CPA4: variants seen among roughly 807,000 people sequenced by gnomAD.
CPA4 encodes the protein carboxypeptidase A4.
In CPA4, 49 loss-of-function variants were observed where a neutral mutation model predicts 54.7. The observed-to-expected ratio is 0.90, with a 90% CI of 0.71 to 1.14. CPA4 has a LOEUF of 1.14. Among genes scored for constraint, CPA4 ranks in the 50% most tolerant of loss-of-function variants. CPA4 has a pLI of 0.00. For synonymous variants in CPA4, 215 were observed against 206.8 expected (o/e 1.04, Z -0.34); for missense variants, 487 against 525.1 (o/e 0.93, Z 0.71).
At chr7:130,307,055 A>G (rs1053743272) in intron 7 of CPA4, among the ~76,000 whole-genome samples, 158 bp downstream of exon 7, 11 of 152,174 alleles carry the variant, frequency 7.2e-5, no homozygotes, top group African/African-American at 2.7e-4. Flanking sequence ...TCACCAGGGG[A>G]TATTTCTTCT....
At chr7:130,304,352 A>G in intron 4 of CPA4, 126 bp from the exon 5 acceptor site, 1 of 742,900 alleles carries the variant, frequency 1.3e-6, no homozygotes, top group Non-Finnish European at 2.5e-6. Flanking sequence ...CATGCCGATA[A>G]TATGGTCAAT....
chr7:130,303,059 GCTTCTGTT>G (rs1793763578), intron 4 of CPA4, among the ~76,000 whole-genome samples: 1 of 152,170 alleles, frequency 6.6e-6, no homozygotes, highest in Non-Finnish European at 1.5e-5. Flanking sequence ...GTGGTTTCTT[GCTTCTGTT>G]CGGTCTACCG....
In CPA4 at chr7:130,322,710, C is replaced by G. The variant is rs781290964; in HGVS notation, c.*34C>G. The G allele has an allele frequency of 1.1e-5, 17 of 1,588,550 alleles. No individual in the cohort carries two copies. The highest frequency in any genetic ancestry group is 1.5e-5 in the Non-Finnish European group (17 of 1,165,284). ...TCTGCTCTGTCTACATTTATTTGTA[C>G]CCACACGTGCACGCACTGAGGCCAT... On this transcript the variant is annotated 3_prime_UTR_variant, in exon 11 of 11. Coordinates refer to ENST00000222482, the MANE Select transcript of CPA4 (RefSeq NM_016352.4).
intron 10 of CPA4, among the ~76,000 whole-genome samples, chr7:130,314,297 T>C (rs887305619): frequency 6.6e-6 from 1 of 152,170 alleles, no homozygotes; most frequent in Non-Finnish European, 1.5e-5. Flanking sequence ...GTGTGTTTAG[T>C]TATGGGCCCT....
At chr7:130,302,678 T>C (rs750631559) in intron 4 of CPA4, among the ~76,000 whole-genome samples, 3 of 152,104 alleles carry the variant, frequency 2.0e-5, no homozygotes, top group Non-Finnish European at 4.4e-5. Context: ...GTTTTAACTT[T>C]TCCTGGATGA....
At chr7:130,304,668 C>A in intron 5 of CPA4, 89 bp downstream of exon 5, 2 of 832,124 alleles carry the variant, frequency 2.4e-6, no homozygotes, top group Non-Finnish European at 4.2e-6. Context: ...TTTTTGAACT[C>A]CTTGACTTCA....
intron 3 of CPA4, chr7:130,299,749 A>T (rs532708312): frequency 2.5e-5 from 6 of 237,186 alleles, no homozygotes; most frequent in Non-Finnish European, 5.1e-5. Context: ...TGATTTGTTG[A>T]GAAGACTCAG....
chr7:130,316,473 C>T (rs1793988434), intron 10 of CPA4, among the ~76,000 whole-genome samples: 1 of 152,076 alleles, frequency 6.6e-6, no homozygotes, highest in African/African-American at 2.4e-5. Context: ...GAGTGGGTAT[C>T]ATTATGATAT....
chr7:130,299,198 C>T, intron 2 of CPA4, 72 bp from the exon 3 acceptor site: 2 of 1,490,582 alleles, frequency 1.3e-6, no homozygotes, highest in South Asian at 2.3e-5. Flanking sequence ...TGGCAGTGTT[C>T]TAGAAGAATA....
At chr7:130,314,877 G>A (rs1793965585) in intron 10 of CPA4, among the ~76,000 whole-genome samples, 1 of 152,080 alleles carries the variant, frequency 6.6e-6, no homozygotes, top group African/African-American at 2.4e-5. Flanking sequence ...AGCGGCTTAT[G>A]TGGATTTCTC....
Position 130,322,592 on chromosome 7 carries a change from A to G in CPA4, c.1182A>G (p.Pro394=), listed in dbSNP as rs1338006586. ...CCGGGACCTATGGCTTCCTCCTGCC[A>G]GCTAACCAGATCATCCCCACTGCAG... ...RDTGTYGFLL[P]ANQIIPTAEE... is the part of the protein sequence containing the mutation. Residue 394 remains proline (P), a synonymous_variant, in exon 11 of 11, where the codon CCA becomes CCG. Coordinates refer to ENST00000222482, the MANE Select transcript of CPA4 (RefSeq NM_016352.4). 1.9e-6 allele frequency: 3 copies of G among 1,614,228 alleles called. No individual in the cohort carries two copies. Among genetic ancestry groups the G allele is most frequent in the East Asian group, 4.5e-5 (2 of 44,886 alleles).
At position 130,300,070 on chromosome 7, in the gene CPA4, T is replaced by A. The variant is rs374358216; in HGVS notation, c.285+666T>A. Among the ~76,000 whole-genome samples the A allele has an allele frequency of 3.6e-4, 55 of 151,990 alleles. 1 individual carries two copies. In the South Asian group the frequency reaches 0.011, roughly 31 times the overall value. Reference sequence around the variant, plus strand: ...TTGGTGATCTGGCCTGGGAGTTTCCTGATGGCGTTAGCAGCTATGAGCTTA... The same window carrying A: ...TTGGTGATCTGGCCTGGGAGTTTCCAGATGGCGTTAGCAGCTATGAGCTTA... On this transcript the variant is annotated intron_variant, in intron 3 of 10. Coordinates refer to ENST00000222482, the MANE Select transcript of CPA4 (RefSeq NM_016352.4).
intron 3 of CPA4, among the ~76,000 whole-genome samples, chr7:130,300,510 A>G (rs1793723239): frequency 6.6e-6 from 1 of 151,694 alleles, no homozygotes; most frequent in Admixed American, 6.6e-5. Flanking sequence ...AAATTTTTGT[A>G]TTTTTAGTAG....
intron 4 of CPA4, among the ~76,000 whole-genome samples, chr7:130,301,409 C>G (rs1181183230): frequency 6.6e-6 from 1 of 152,156 alleles, no homozygotes; most frequent in Non-Finnish European, 1.5e-5. Context: ...ATATAGATGG[C>G]TGACTTTCAA....
chr7:130,296,806 G>A (rs1375302442), intron 1 of CPA4, among the ~76,000 whole-genome samples: 1 of 148,214 alleles, frequency 6.7e-6, no homozygotes, highest in African/African-American at 2.5e-5. Flanking sequence ...TCCTGCCTTA[G>A]CCTCCCAAGT....
rs1794180130 is a variant in CPA4, at chr7:130,324,126, T to C, written c.*1450T>C. 6.6e-6 allele frequency: 1 copy of C among 152,634 alleles called. No individual in the cohort carries two copies. The allele number at this position is 152,634 out of a possible 1,614,324, so 9.5% of individuals were successfully genotyped here. A position where few individuals can be genotyped will look rare whatever the true frequency, so the allele number is the denominator to read the frequency against. On this transcript the variant is annotated 3_prime_UTR_variant, in exon 11 of 11. Transcript: ENST00000222482. Reference sequence around the variant, plus strand: ...TAAATCTTAACCTCCTGCCTAGGATTTGTACAGCATCTGGTGTGTGCTTAT... The same window carrying C: ...TAAATCTTAACCTCCTGCCTAGGATCTGTACAGCATCTGGTGTGTGCTTAT...
rs772877271 is a variant in CPA4 at position 130,304,484 on chromosome 7, C to T, written c.391C>T (p.His131Tyr). ...TCACTCTTTCATGCTTCAGATTTAC[C>T]ACGAGATGGACAACATTGCCGCAGA... is the stretch of plus-strand genomic sequence containing the variant. ...GAYHSLEAIY[H>Y]EMDNIAADFP... Residue 131 changes from histidine (H) to tyrosine (Y), a missense_variant, in exon 5 of 11, where the codon CAC becomes TAC. Physicochemically the swap from His to Tyr is moderately conservative, Grantham distance 83 (BLOSUM62 2). Transcript: ENST00000222482. 1.2e-5 allele frequency: 19 copies of T among 1,603,090 alleles called. No individual in the cohort carries two copies. Among genetic ancestry groups the T allele is most frequent in the Non-Finnish European group, 1.5e-5 (18 of 1,170,052 alleles).
At chr7:130,305,443 A>G (rs1391691300) in intron 5 of CPA4, among the ~76,000 whole-genome samples, 1 of 152,202 alleles carries the variant, frequency 6.6e-6, no homozygotes, top group African/African-American at 2.4e-5. Context: ...TTCATTTATC[A>G]TGTCGACCGA....
rs764563230 is a variant in CPA4 at position 130,304,505 on chromosome 7, G to A, written c.412G>A (p.Ala138Thr). The A allele has an allele frequency of 3.7e-6, 6 of 1,611,302 alleles. No individual in the cohort carries two copies. The highest frequency in any genetic ancestry group is 1.1e-5 in the South Asian group (1 of 91,046). Residue 138 changes from alanine (A) to threonine (T), a missense_variant, in exon 5 of 11, where the codon GCA (alanine) becomes ACA (threonine). Physicochemically the swap from Ala to Thr is moderately conservative, Grantham distance 58. Coordinates refer to ENST00000222482, the MANE Select transcript of CPA4 (RefSeq NM_016352.4). ...TTACCACGAGATGGACAACATTGCC[G>A]CAGACTTTCCTGACCTGGCGAGGAG... ...AIYHEMDNIA[A>T]DFPDLARRVK... is the part of the protein sequence containing the mutation.
Sources: gnomAD v4.1 joint callset for allele counts (sites outside exome capture counted in the v4.1 genomes callset) on GRCh38, gnomAD v4.1.1 for gene constraint, MANE v1.5 for transcripts, NCBI Gene and HGNC (gene_info 2026-07-23, HGNC 2026-07-21) for gene names.